Variants in TEAD1 observed in about 807,000 individuals in gnomAD.
TEAD1 encodes TEA domain transcription factor 1.
Under a neutral mutation model 54.9 loss-of-function variants are expected in TEAD1, and 9 were observed. The observed-to-expected ratio is 0.16, with a 90% CI of 0.10 to 0.29. The LOEUF (loss-of-function observed/expected upper bound fraction) is 0.29, where lower values mean the gene tolerates loss of function less well. Ranked by LOEUF, TEAD1 falls within the 10% of genes least tolerant of loss-of-function variation. The pLI, the probability that TEAD1 is intolerant of heterozygous loss-of-function variation, is 1.00. For missense variants in TEAD1, 387 were observed against 535.9 expected, an observed-to-expected ratio of 0.72 and a Z score of 2.74; for synonymous variants, 200 against 187.8, an observed-to-expected ratio of 1.07 and a Z score of -0.53.
intron 9 of TEAD1, 34 bp downstream of exon 9, chr11:12,883,159 A>G: frequency 1.2e-6 from 2 of 1,614,012 alleles, no homozygotes; most frequent in Non-Finnish European, 1.7e-6. Context: ...TCTTGAATCC[A>G]GGATTTCTTT....
chr11:12,676,913 A>G (rs1478222733), intron 2 of TEAD1, among the ~76,000 whole-genome samples: 3 of 152,244 alleles, frequency 2.0e-5, no homozygotes, highest in African/African-American at 7.2e-5. Context: ...TCAAAATGCC[A>G]AGGTAGACTA....
intron 3 of TEAD1, among the ~76,000 whole-genome samples, chr11:12,786,131 C>T (rs927433891): frequency 7.2e-5 from 11 of 152,134 alleles, no homozygotes; most frequent in Non-Finnish European, 1.5e-4. Flanking sequence ...AGTCACAGCA[C>T]AGGGTGGGAG....
At chr11:12,714,007 A>G (rs954002990) in intron 2 of TEAD1, among the ~76,000 whole-genome samples, 2 of 152,214 alleles carry the variant, frequency 1.3e-5, no homozygotes, top group Admixed American at 6.5e-5. Context: ...AATAGGGCCT[A>G]GGGAGTGGAA....
At chr11:12,736,472 T>C (rs1944534236) in intron 2 of TEAD1, among the ~76,000 whole-genome samples, 1 of 152,232 alleles carries the variant, frequency 6.6e-6, no homozygotes, top group Non-Finnish European at 1.5e-5. Context: ...CAAAAAATTA[T>C]TGTAAAGTGG....
At chr11:12,913,651 T>G (rs1948657077) in intron 10 of TEAD1, among the ~76,000 whole-genome samples, 1 of 152,230 alleles carries the variant, frequency 6.6e-6, no homozygotes. Context: ...GTTGCCCAGT[T>G]AAATTTGCAT....
Position 12,764,346 on chromosome 11 carries a change from C to A in TEAD1, c.114C>A (p.Asp38Glu), listed in dbSNP as rs1327923372. Residue 38 changes from aspartate (D) to glutamate (E), a missense_variant, in exon 3 of 13, where the codon GAC (aspartate) becomes GAA (glutamate). Asp to Glu is a conservative substitution (Grantham distance 45). Transcript: ENST00000527636. ...ATGCAGAAGGGGTCTGGAGCCCCGACATCGAGCAAAGCTTTCAGGAGGCCC... is the reference window on the plus strand; with the variant it reads ...ATGCAGAAGGGGTCTGGAGCCCCGAAATCGAGCAAAGCTTTCAGGAGGCCC... The A allele has an allele frequency of 1.9e-6, 3 of 1,614,082 alleles. No individual in the cohort carries two copies. In the African/African-American group the frequency reaches 4.0e-5, roughly 22 times the overall value.
intron 3 of TEAD1, among the ~76,000 whole-genome samples, chr11:12,832,059 C>T (rs565578837): frequency 1.7e-3 from 258 of 152,230 alleles, no homozygotes; most frequent in Non-Finnish European, 3.4e-3. Context: ...ATTCACACCA[C>T]GTCTCTGACT....
intron 2 of TEAD1, among the ~76,000 whole-genome samples, chr11:12,680,725 T>A (rs998473911): frequency 4.6e-5 from 7 of 152,138 alleles, no homozygotes; most frequent in Non-Finnish European, 8.8e-5. Context: ...CCTACTGGGA[T>A]AGGGGGAGGA....
chr11:12,846,548 C>T (rs1013445500), intron 3 of TEAD1, among the ~76,000 whole-genome samples: 1 of 151,882 alleles, frequency 6.6e-6, no homozygotes, highest in African/African-American at 2.4e-5. Flanking sequence ...AATGAGCTTG[C>T]AGATAAAGCT....
At chr11:12,751,558 G>A (rs1944870295) in intron 2 of TEAD1, among the ~76,000 whole-genome samples, 1 of 152,132 alleles carries the variant, frequency 6.6e-6, no homozygotes, top group Admixed American at 6.5e-5. Flanking sequence ...TTGAGGACAG[G>A]GAATGTGGTA....
intron 2 of TEAD1, among the ~76,000 whole-genome samples, chr11:12,730,151 A>G (rs575299411): frequency 1.1e-4 from 17 of 152,322 alleles, no homozygotes; most frequent in African/African-American, 4.1e-4. Flanking sequence ...AACATTTATT[A>G]AACGGCCATG....
rs534257588 is a variant in TEAD1, at chr11:12,761,521, C to T, written c.-54-2658C>T. ...AAACGCCTGCTTTTAGCTCTGACAC[C>T]AGTTGCACAAAAGACAGTATTCAGG... On this transcript the variant is annotated intron_variant, in intron 2 of 12. Coordinates refer to ENST00000527636, the MANE Select transcript of TEAD1 (RefSeq NM_021961.6). 9.2e-5 allele frequency among the ~76,000 whole-genome samples: 14 copies of T among 152,272 alleles called. 1 individual carries two copies. In the South Asian group the frequency reaches 2.9e-3, roughly 32 times the overall value.
chr11:12,721,548 A>T (rs749043397), intron 2 of TEAD1, among the ~76,000 whole-genome samples: 1 of 152,210 alleles, frequency 6.6e-6, no homozygotes, highest in Non-Finnish European at 1.5e-5. Context: ...ATATAGTTGG[A>T]TGTAGATACT....
chr11:12,715,580 C>T (rs1203977106), intron 2 of TEAD1, among the ~76,000 whole-genome samples: 1 of 152,142 alleles, frequency 6.6e-6, no homozygotes, highest in African/African-American at 2.4e-5. Context: ...GCACGTGATG[C>T]AGACGGGGCT....
chr11:12,685,090 C>A (rs1364603891), intron 2 of TEAD1, among the ~76,000 whole-genome samples: 3 of 152,190 alleles, frequency 2.0e-5, no homozygotes, highest in Admixed American at 2.0e-4. Flanking sequence ...TGGGCCACTC[C>A]TGGTGACTGG....
intron 10 of TEAD1, among the ~76,000 whole-genome samples, chr11:12,909,319 G>T (rs1480375492): frequency 6.6e-6 from 1 of 152,058 alleles, no homozygotes; most frequent in Non-Finnish European, 1.5e-5. Flanking sequence ...TTTATATCCA[G>T]TCTATTATTG....
chr11:12,923,027 GTC>G (rs1296944705), intron 10 of TEAD1: 2 of 151,066 alleles, frequency 1.3e-5, no homozygotes, highest in Admixed American at 1.3e-4. Context: ...CACCACGGCA[GTC>G]CACATTTATC....
intron 2 of TEAD1, among the ~76,000 whole-genome samples, chr11:12,716,562 A>G (rs1040270983): frequency 6.6e-6 from 1 of 152,164 alleles, no homozygotes; most frequent in African/African-American, 2.4e-5. Context: ...TTTTTCTGGT[A>G]TAGGTCAGAT....
At chr11:12,857,793 A>G (rs1159310315) in intron 3 of TEAD1, among the ~76,000 whole-genome samples, 5 of 152,116 alleles carry the variant, frequency 3.3e-5, no homozygotes, top group Admixed American at 3.3e-4. Context: ...GGCTGTAGAA[A>G]TATACATAGG....
Sources: allele counts gnomAD v4.1 joint callset (sites outside exome capture counted in the v4.1 genomes callset), GRCh38; gene constraint gnomAD v4.1.1; transcripts MANE v1.5; gene names NCBI Gene and HGNC (gene_info 2026-07-23, HGNC 2026-07-21).